CLNK: variants seen among roughly 807,000 people sequenced by gnomAD.
The protein encoded by CLNK is cytokine-dependent hematopoietic cell linker.
Under a neutral mutation model 68.6 loss-of-function variants are expected in CLNK, and 74 were observed. That is an observed-to-expected ratio of 1.08 (90% confidence interval 0.89 to 1.31). CLNK has a LOEUF of 1.31. Ranked by LOEUF, CLNK falls within the 50% of genes most tolerant of loss-of-function variation. CLNK has a pLI of 0.00. For missense variants in CLNK, 553 were observed against 515.3 expected (o/e 1.07, Z -0.71); for synonymous variants, 198 against 172.2 (o/e 1.15, Z -1.17).
intron 18 of CLNK, among the ~76,000 whole-genome samples, chr4:10,491,030 G>C (rs577685428): frequency 1.3e-5 from 2 of 152,244 alleles, no homozygotes. Context: ...ATCCCAAAGT[G>C]CTGGGATTAC....
chr4:10,522,610 T>C (rs6854154), intron 14 of CLNK, among the ~76,000 whole-genome samples: 1 of 143,244 alleles, frequency 7.0e-6, no homozygotes, highest in Non-Finnish European at 1.5e-5. Context: ...AAAATAAAAA[T>C]GATGACTCTT....
upstream of CLNK, among the ~76,000 whole-genome samples, chr4:10,686,048 T>C (rs1725258848): frequency 6.6e-6 from 1 of 152,174 alleles, no homozygotes; most frequent in African/African-American, 2.4e-5. Context: ...TTGTATTGTC[T>C]CACAGTCTGG....
In CLNK at chr4:10,489,579, C is replaced by T. The variant is rs1716478797; in HGVS notation, c.*888G>A. 6.6e-6 allele frequency: 1 copy of T among 151,350 alleles called. No homozygotes were observed. Among genetic ancestry groups the T allele is most frequent in the Non-Finnish European group, 1.5e-5 (1 of 67,834 alleles). 9.4% of individuals were successfully genotyped at this position (151,350 alleles called of 1,614,324 possible). A position where few individuals can be genotyped will look rare whatever the true frequency, so the allele number is the denominator to read the frequency against. On this transcript the variant is annotated 3_prime_UTR_variant, in exon 19 of 19. Transcript: ENST00000226951. ...GTTTCTGTCTTCAAGGTGACATTCA[C>T]AATTGCTGGTTTTCCATACCACATT... is the stretch of plus-strand genomic sequence containing the variant.
chr4:10,559,047 G>A (rs1577128916), intron 7 of CLNK, among the ~76,000 whole-genome samples: 1 of 152,184 alleles, frequency 6.6e-6, no homozygotes. Context: ...GAGAACACAG[G>A]TGTCGCTAAC....
At chr4:10,597,490 A>G (rs1721429589) in intron 3 of CLNK, among the ~76,000 whole-genome samples, 1 of 152,142 alleles carries the variant, frequency 6.6e-6, no homozygotes, top group African/African-American at 2.4e-5. Context: ...TTGTTGCTGC[A>G]TTTTCAGTAG....
the CLNK span, among the ~76,000 whole-genome samples, chr4:10,704,225 C>A: frequency 6.6e-6 from 1 of 152,214 alleles, no homozygotes; most frequent in South Asian, 2.1e-4. Context: ...TCGTTGCAAT[C>A]CATCTTTCTC....
chr4:10,734,627 A>T, the CLNK span, among the ~76,000 whole-genome samples: 4 of 152,228 alleles, frequency 2.6e-5, no homozygotes, highest in Non-Finnish European at 5.9e-5. Context: ...AGCTGCCATC[A>T]CAAAAATCTT....
At chr4:10,689,454 A>C (rs750297397), upstream of CLNK, among the ~76,000 whole-genome samples, 9 of 152,082 alleles carry the variant, frequency 5.9e-5, no homozygotes, top group Non-Finnish European at 8.8e-5. Context: ...AATGTTTCCA[A>C]CAAGACAAAT....
intron 1 of CLNK, among the ~76,000 whole-genome samples, chr4:10,679,885 G>T (rs1171310052): frequency 6.6e-6 from 1 of 152,164 alleles, no homozygotes; most frequent in Non-Finnish European, 1.5e-5. Context: ...TGGAGAGGAT[G>T]TGGAGAAATA....
At chr4:10,673,914 A>G (rs147604944) in intron 1 of CLNK, among the ~76,000 whole-genome samples, 2 of 152,284 alleles carry the variant, frequency 1.3e-5, no homozygotes, top group African/African-American at 4.8e-5. Flanking sequence ...ATGCCCCAGA[A>G]ATGGAGCACA....
intron 15 of CLNK, among the ~76,000 whole-genome samples, chr4:10,519,178 G>C (rs1717960217): frequency 6.6e-6 from 1 of 152,200 alleles, no homozygotes; most frequent in Non-Finnish European, 1.5e-5. Context: ...GATGAAGTGA[G>C]ATGAGCTGAG....
intron 4 of CLNK, among the ~76,000 whole-genome samples, chr4:10,584,178 G>T (rs1720889935): frequency 6.6e-6 from 1 of 152,176 alleles, no homozygotes; most frequent in Admixed American, 6.5e-5. Context: ...TTTTGCTTTT[G>T]CCCAGTTCTC....
chr4:10,510,268 C>T (rs1039618922), intron 16 of CLNK, among the ~76,000 whole-genome samples: 8 of 151,986 alleles, frequency 5.3e-5, no homozygotes, highest in African/African-American at 1.9e-4. Flanking sequence ...TCTTTCTAGC[C>T]CCCCTGAATA....
At chr4:10,652,399 A>G (rs1363220941) in intron 2 of CLNK, among the ~76,000 whole-genome samples, 2 of 150,796 alleles carry the variant, frequency 1.3e-5, no homozygotes, top group Non-Finnish European at 1.5e-5. Flanking sequence ...AAAAAAAAAA[A>G]AAAAGGAAAA....
the CLNK span, among the ~76,000 whole-genome samples, chr4:10,723,605 A>G: frequency 1.3e-5 from 2 of 152,070 alleles, no homozygotes; most frequent in African/African-American, 2.4e-5. Flanking sequence ...ATTATGGGAA[A>G]TCATTTTTGC....
At chr4:10,701,031 C>T in the CLNK span, among the ~76,000 whole-genome samples, 1 of 147,286 alleles carries the variant, frequency 6.8e-6, no homozygotes, top group African/African-American at 2.6e-5. Flanking sequence ...CTTTTACCAG[C>T]TCTCTAACTT....
rs913123985 is a variant in CLNK, at chr4:10,487,216, A to G, written c.*3251T>C. ...GCATGCCAAATCCAAATCATTGAATATTCAATTACAGATCTAATAAAGCAG... is the reference window on the plus strand; with the variant it reads ...GCATGCCAAATCCAAATCATTGAATGTTCAATTACAGATCTAATAAAGCAG... On this transcript the variant is annotated 3_prime_UTR_variant, in exon 19 of 19. Coordinates refer to ENST00000226951, the MANE Select transcript of CLNK (RefSeq NM_052964.4). 2 of 152,224 alleles carry G rather than the reference A, an allele frequency of 1.3e-5. No individual in the cohort carries two copies. Among genetic ancestry groups the G allele is most frequent in the African/African-American group, 4.8e-5 (2 of 41,470 alleles). The allele number at this position is 152,224 out of a possible 1,614,324, so 9.4% of individuals were successfully genotyped here.
intron 18 of CLNK, among the ~76,000 whole-genome samples, chr4:10,494,537 A>C (rs959267431): frequency 6.6e-6 from 1 of 150,926 alleles, no homozygotes; most frequent in African/African-American, 2.4e-5. Flanking sequence ...GGCTCACTGC[A>C]ACCTCTGCCT....
At chr4:10,732,344 C>T in the CLNK span, among the ~76,000 whole-genome samples, 2 of 152,120 alleles carry the variant, frequency 1.3e-5, no homozygotes, top group African/African-American at 4.8e-5. Flanking sequence ...GCTAGCAGCC[C>T]CTGCAAAGGC....
Sources: gnomAD v4.1 joint callset for allele counts (sites outside exome capture counted in the v4.1 genomes callset) on GRCh38, gnomAD v4.1.1 for gene constraint, MANE v1.5 for transcripts, NCBI Gene and HGNC (gene_info 2026-07-23, HGNC 2026-07-21) for gene names.